The following CNTNAP4 variants were observed in gnomAD, a reference collection of about 807,000 sequenced individuals.
The protein encoded by CNTNAP4 is contactin-associated protein-like 4.
In CNTNAP4, 98 loss-of-function variants were observed where a neutral mutation model predicts 148.4. The ratio of observed to expected loss-of-function variants is 0.66; its 90% CI spans 0.56 to 0.78. CNTNAP4 has a LOEUF of 0.78. Among genes scored for constraint, CNTNAP4 ranks in the 30% least tolerant of loss-of-function variants. The pLI is 0.00. For missense variants in CNTNAP4, 1,935 were observed against 1,565.6 expected, an observed-to-expected ratio of 1.24 and a Z score of -3.98; for synonymous variants, 730 against 565.1, an observed-to-expected ratio of 1.29 and a Z score of -4.14.
chr16:76,470,743 A>AC (rs1446101003), intron 10 of CNTNAP4, among the ~76,000 whole-genome samples: 1 of 151,998 alleles, frequency 6.6e-6, no homozygotes, highest in Non-Finnish European at 1.5e-5. Flanking sequence ...GTTTTTAAAA[A>AC]AAAACTGTAA....
chr16:76,327,551 C>T (rs78533302), intron 2 of CNTNAP4, among the ~76,000 whole-genome samples: 109 of 152,276 alleles, frequency 7.2e-4, no homozygotes, highest in Middle Eastern at 3.4e-3. Flanking sequence ...TAAACCCTGT[C>T]TCTCTCTCAG....
intron 3 of CNTNAP4, among the ~76,000 whole-genome samples, chr16:76,371,816 T>A (rs1473001728): frequency 6.6e-6 from 1 of 152,214 alleles, no homozygotes; most frequent in East Asian, 1.9e-4. Context: ...CTATTTCTCT[T>A]CTGGGTGATA....
intron 3 of CNTNAP4, among the ~76,000 whole-genome samples, chr16:76,422,066 A>G (rs1451701683): frequency 6.6e-6 from 1 of 152,186 alleles, no homozygotes; most frequent in Non-Finnish European, 1.5e-5. Context: ...AAACTTTAGA[A>G]TCACTTTGGA....
intron 15 of CNTNAP4, among the ~76,000 whole-genome samples, chr16:76,511,174 C>T (rs191710136): frequency 1.7e-4 from 26 of 152,144 alleles, no homozygotes; most frequent in Admixed American, 7.9e-4. Flanking sequence ...ATTTTTCAAC[C>T]CATTTTATCA....
intron 21 of CNTNAP4, among the ~76,000 whole-genome samples, chr16:76,547,208 T>C (rs913719975): frequency 2.0e-5 from 3 of 152,160 alleles, no homozygotes; most frequent in African/African-American, 4.8e-5. Context: ...AAAGGAAATA[T>C]ACAGATACAA....
chr16:76,437,239 G>C (rs1320847520), intron 4 of CNTNAP4, among the ~76,000 whole-genome samples: 2 of 152,020 alleles, frequency 1.3e-5, no homozygotes, highest in East Asian at 3.9e-4. Flanking sequence ...TGCCCACCCA[G>C]ATTAAGGGTG....
intron 22 of CNTNAP4, 43 bp from the exon 23 acceptor site, chr16:76,553,793 C>A: frequency 7.9e-7 from 1 of 1,271,854 alleles, no homozygotes; most frequent in Non-Finnish European, 1.1e-6. Flanking sequence ...TCTTCTTTTA[C>A]TTGCCTATAT....
At chr16:76,335,448 G>A (rs957673722) in intron 2 of CNTNAP4, among the ~76,000 whole-genome samples, 1 of 152,128 alleles carries the variant, frequency 6.6e-6, no homozygotes, top group African/African-American at 2.4e-5. Context: ...ATTTGAAAGG[G>A]AAGATGAGCA....
chr16:76,503,291 C>T lies in CNTNAP4; in HGVS notation c.2365+4597C>T, dbSNP rs75064630. Among the ~76,000 whole-genome samples the T allele has an allele frequency of 3.5e-3, 540 of 152,166 alleles. 2 individuals are homozygous for T. Among genetic ancestry groups the T allele is most frequent in the African/African-American group, 0.012 (517 of 41,522 alleles). ...ATAAGTCAAGGAGAGGAATTCAAGGCATTTATTAAGTTGCAGCAAAAGTTA... is the reference window on the plus strand; with the variant it reads ...ATAAGTCAAGGAGAGGAATTCAAGGTATTTATTAAGTTGCAGCAAAAGTTA... On this transcript the variant is annotated intron_variant, in intron 15 of 23. Coordinates refer to ENST00000611870, the MANE Select transcript of CNTNAP4 (RefSeq NM_033401.5).
At position 76,448,797 on chromosome 16, in the gene CNTNAP4, T is replaced by G. The variant is rs1189233692; in HGVS notation, c.773T>G (p.Leu258Arg). 6.2e-7 allele frequency: 1 copy of G among 1,610,850 alleles called. No homozygotes were observed. Among genetic ancestry groups the G allele is most frequent in the Non-Finnish European group, 8.5e-7 (1 of 1,178,676 alleles). Residue 258 changes from leucine (L) to arginine (R), a missense_variant, in exon 6 of 24, where the codon CTG (leucine) becomes CGG (arginine). Leu to Arg is a moderately radical substitution (Grantham distance 102, BLOSUM62 -2). Coordinates refer to ENST00000611870, the MANE Select transcript of CNTNAP4 (RefSeq NM_033401.5). ...GCTAAACTGCCTTCCACTTCCACCC[T>G]GGTCAATCTCACCCTGGGCAGCCTG... is the stretch of plus-strand genomic sequence containing the variant. The part of the protein sequence containing the change: ...GEAKLPSTST[L>R]VNLTLGSLLD...
intron 2 of CNTNAP4, among the ~76,000 whole-genome samples, chr16:76,342,826 C>T (rs1964588772): frequency 6.6e-6 from 1 of 152,138 alleles, no homozygotes; most frequent in African/African-American, 2.4e-5. Flanking sequence ...CTGTGGGTTA[C>T]AAATTTTCAG....
At chr16:76,367,638 A>G (rs2014303265) in intron 3 of CNTNAP4, among the ~76,000 whole-genome samples, 1 of 152,240 alleles carries the variant, frequency 6.6e-6, no homozygotes, top group Admixed American at 6.5e-5. Context: ...GCAGGCAACC[A>G]CACAGCATGC....
intron 4 of CNTNAP4, among the ~76,000 whole-genome samples, chr16:76,443,843 C>G (rs140897468): frequency 4.8e-4 from 73 of 152,080 alleles, no homozygotes; most frequent in African/African-American, 1.7e-3. Flanking sequence ...TTTTTAAGAG[C>G]TCAAATATCT....
At chr16:76,492,240 G>T (rs544075776) in intron 13 of CNTNAP4, among the ~76,000 whole-genome samples, 2 of 152,258 alleles carry the variant, frequency 1.3e-5, no homozygotes, top group South Asian at 4.1e-4. Context: ...TCTGCTAAGA[G>T]AGTCGATTTT....
intron 1 of CNTNAP4, among the ~76,000 whole-genome samples, chr16:76,278,709 A>T (rs1267192586): frequency 6.6e-6 from 1 of 152,214 alleles, no homozygotes; most frequent in Non-Finnish European, 1.5e-5. Flanking sequence ...AGAACTGGCT[A>T]TGAGGCCTGT....
intron 3 of CNTNAP4, among the ~76,000 whole-genome samples, chr16:76,378,224 CAT>C (rs1438925934): frequency 6.6e-6 from 1 of 152,080 alleles, no homozygotes; most frequent in Admixed American, 6.5e-5. Flanking sequence ...GCCCAGAACT[CAT>C]TATTGCACAA....
intron 3 of CNTNAP4, among the ~76,000 whole-genome samples, chr16:76,417,093 C>T (rs555259447): frequency 2.6e-5 from 4 of 151,424 alleles, no homozygotes; most frequent in South Asian, 2.1e-4. Flanking sequence ...TTTTAATGTA[C>T]GTTAGTCTAT....
chr16:76,465,586 C>T (rs1597631609), intron 9 of CNTNAP4, among the ~76,000 whole-genome samples: 1 of 152,126 alleles, frequency 6.6e-6, no homozygotes, highest in African/African-American at 2.4e-5. Context: ...TATTTATATG[C>T]CTGGCATATT....
chr16:76,288,391 T>G (rs1308359473), intron 1 of CNTNAP4, among the ~76,000 whole-genome samples: 2 of 152,180 alleles, frequency 1.3e-5, no homozygotes, highest in Non-Finnish European at 2.9e-5. Flanking sequence ...TCTTCAATCC[T>G]GGTGTCCCCT....
Sources: gnomAD v4.1 joint callset for allele counts (sites outside exome capture counted in the v4.1 genomes callset) on GRCh38, gnomAD v4.1.1 for gene constraint, MANE v1.5 for transcripts, NCBI Gene and HGNC (gene_info 2026-07-23, HGNC 2026-07-21) for gene names.